DCAF6: variants seen among roughly 807,000 people sequenced by gnomAD.
DCAF6 encodes DDB1- and CUL4-associated factor 6.
DCAF6 carries 54 observed loss-of-function variants against 125.1 expected under a neutral mutation model. The ratio of observed to expected loss-of-function variants is 0.43; its 90% CI spans 0.35 to 0.54. The LOEUF is 0.54. Ranked by LOEUF, DCAF6 falls within the 20% of genes least tolerant of loss-of-function variation. The pLI, the probability that DCAF6 is intolerant of heterozygous loss-of-function variation, is 0.01. For missense variants in DCAF6, 934 were observed against 1,161.7 expected (o/e 0.80, Z 2.85); for synonymous variants, 371 against 390.4 (o/e 0.95, Z 0.58).
At chr1:167,882,697 T>C in the DCAF6 span, among the ~76,000 whole-genome samples, 1 of 151,728 alleles carries the variant, frequency 6.6e-6, no homozygotes, top group South Asian at 2.1e-4. Context: ...GAGACTTATG[T>C]GTAGTGAGAG....
intron 16 of DCAF6, among the ~76,000 whole-genome samples, chr1:168,047,976 T>C (rs1182689721): frequency 1.3e-5 from 2 of 152,182 alleles, no homozygotes; most frequent in African/African-American, 4.8e-5. Flanking sequence ...TCTTCATCAT[T>C]GACACTCCTG....
At chr1:167,953,221 C>G (rs1369949466) in intron 2 of DCAF6, among the ~76,000 whole-genome samples, 2 of 152,024 alleles carry the variant, frequency 1.3e-5, no homozygotes, top group Admixed American at 1.3e-4. Context: ...ATATTTTATG[C>G]CTTATACCTA....
the DCAF6 span, chr1:167,905,121 T>A: frequency 3.1e-6 from 5 of 1,614,224 alleles, no homozygotes; most frequent in Admixed American, 8.3e-5. Context: ...GTCCTGGAAT[T>A]CTTCTTTTGG....
Position 168,044,632 on chromosome 1 carries a change from G to A in DCAF6, c.1891G>A (p.Val631Ile). 1.2e-6 allele frequency: 2 copies of A among 1,613,350 alleles called. No homozygotes were observed. The highest frequency in any genetic ancestry group is 1.3e-5 in the African/African-American group (1 of 75,004). The change falls in exon 15 of 22, where the codon GTA becomes ATA. Residue 631 changes from valine to isoleucine, a missense_variant. Coordinates refer to ENST00000367840, the MANE Select transcript of DCAF6 (RefSeq NM_001198956.2). ...SEDVTKYQEG[V>I]SAENPVENHI... ...GGATGTGACAAAATATCAGGAAGGA[G>A]TATCTGCAGAAAACCCAGTTGAGAA...
intron 5 of DCAF6, among the ~76,000 whole-genome samples, chr1:167,989,061 C>A (rs1403514545): frequency 1.3e-5 from 2 of 151,936 alleles, no homozygotes; most frequent in African/African-American, 4.8e-5. Context: ...GCTCGGGTGA[C>A]ACTGCGAGAC....
chr1:167,941,903 C>G (rs905414505), intron 1 of DCAF6, among the ~76,000 whole-genome samples: 5 of 152,136 alleles, frequency 3.3e-5, no homozygotes, highest in Non-Finnish European at 7.4e-5. Context: ...TAAAAAACTT[C>G]CAGACTGTCT....
chr1:167,980,720 T>C (rs1381936350), intron 4 of DCAF6, among the ~76,000 whole-genome samples: 1 of 152,138 alleles, frequency 6.6e-6, no homozygotes, highest in Non-Finnish European at 1.5e-5. Flanking sequence ...AGGATTTCTT[T>C]ATATATTCCA....
the DCAF6 span, chr1:167,880,399 ATTC>A: frequency 5.6e-6 from 6 of 1,072,176 alleles, no homozygotes; most frequent in African/African-American, 3.1e-5. Context: ...TTCTTAATTA[ATTC>A]TTCTTTCTTT....
intron 4 of DCAF6, among the ~76,000 whole-genome samples, chr1:167,976,437 A>G (rs921030796): frequency 6.6e-6 from 1 of 152,198 alleles, no homozygotes; most frequent in African/African-American, 2.4e-5. Flanking sequence ...GCGCTACTGT[A>G]CTCCAACCTG....
At chr1:168,057,522 T>C (rs983083600) in intron 17 of DCAF6, among the ~76,000 whole-genome samples, 1 of 152,236 alleles carries the variant, frequency 6.6e-6, no homozygotes, top group Non-Finnish European at 1.5e-5. Context: ...ATTGATACTT[T>C]GAGCTGTTTC....
intron 18 of DCAF6, 103 bp downstream of exon 18, chr1:168,063,862 T>C: frequency 9.0e-7 from 1 of 1,108,260 alleles, no homozygotes; most frequent in African/African-American, 1.7e-5. Flanking sequence ...GATTTCAGTA[T>C]TACATTATTA....
chr1:168,037,829 C>T (rs1459664914), intron 12 of DCAF6, among the ~76,000 whole-genome samples: 1 of 152,154 alleles, frequency 6.6e-6, no homozygotes, highest in Non-Finnish European at 1.5e-5. Flanking sequence ...AAATACCACC[C>T]TCTTCTCCAT....
chr1:168,055,343 T>TG (rs1310412539), intron 17 of DCAF6, among the ~76,000 whole-genome samples: 5 of 21,366 alleles, frequency 2.3e-4, no homozygotes, highest in South Asian at 8.3e-4. Flanking sequence ...TTTTTTTTTT[T>TG]TTTTTTTTTT....
rs1259600745 is a variant in DCAF6, at chr1:168,068,373, G to A, written c.2701G>A (p.Glu901Lys). Residue 901 changes from glutamate to lysine, a missense_variant, in exon 21 of 22, where the codon GAA (glutamate) becomes AAA (lysine). This residue lies in a region of DCAF6 where 27 missense variants were observed against 85.1 expected (regional missense o/e 0.32). Coordinates refer to ENST00000367840, the MANE Select transcript of DCAF6 (RefSeq NM_001198956.2). ...TGCCTTGTAGGTTATAACTCGAAAC[G>A]AACTCATGCTGGAAGAAACTAGAAA... ...KLADEVITRN[E>K]LMLEETRNTI... The A allele has an allele frequency of 1.9e-6, 3 of 1,604,122 alleles. No homozygotes were observed. Among genetic ancestry groups the A allele is most frequent in the African/African-American group, 1.3e-5 (1 of 74,254 alleles).
chr1:168,004,090 C>A, intron 9 of DCAF6, 101 bp downstream of exon 9: 3 of 1,322,352 alleles, frequency 2.3e-6, no homozygotes, highest in Non-Finnish European at 3.1e-6. Flanking sequence ...TGTTTTACAT[C>A]TGTAATAATC....
In DCAF6 at chr1:168,003,981, G is replaced by A. The variant is rs1462500583; in HGVS notation, c.1109G>A (p.Arg370Gln). Residue 370 changes from arginine to glutamine, a missense_variant, in exon 9 of 22, where the codon CGA becomes CAA. Physicochemically the swap from Arg to Gln is conservative, Grantham distance 43. This residue lies in a region of DCAF6 where 559 missense variants were observed against 635.5 expected (regional missense o/e 0.88). Transcript: ENST00000367840. ...AQSNRGRGRS[R>Q]PRGGTSQSDI... is the part of the protein sequence containing the mutation. ...AGCAATAGAGGACGAGGAAGATCTC[G>A]ACCCAGAGGTAATTTTTAATGTTAA... The A allele has an allele frequency of 4.3e-6, 7 of 1,611,068 alleles. No homozygotes were observed. The highest frequency in any genetic ancestry group is 1.3e-5 in the African/African-American group (1 of 74,892).
In DCAF6 at chr1:167,983,649, T is replaced by C. The variant is rs1185162614; in HGVS notation, c.439-3846T>C. On this transcript the variant is annotated intron_variant, in intron 4 of 21. Transcript: ENST00000367840. ...TGGGTCCTTCTTTGGCATGTGCACA[T>C]TCTTATATATGTGCATAATTTCTAA... Among the ~76,000 whole-genome samples, 7 of 152,224 alleles carry C rather than the reference T, an allele frequency of 4.6e-5. No homozygotes were observed. In the East Asian group the frequency reaches 1.3e-3, roughly 29 times the overall value.
Position 167,983,707 on chromosome 1 carries a change from C to T in DCAF6, c.439-3788C>T, listed in dbSNP as rs113250402. 2.9e-3 allele frequency among the ~76,000 whole-genome samples: 446 copies of T among 152,262 alleles called. 1 individual carries two copies. The highest frequency in any genetic ancestry group is 0.01 in the African/African-American group (424 of 41,548). On this transcript the variant is annotated intron_variant, in intron 4 of 21. Coordinates refer to ENST00000367840, the MANE Select transcript of DCAF6 (RefSeq NM_001198956.2). ...GAAATGTTTTGTTGCTTTTCAAATTCTACTATTAATGTCTAATTCTTACTT... is the reference window on the plus strand; with the variant it reads ...GAAATGTTTTGTTGCTTTTCAAATTTTACTATTAATGTCTAATTCTTACTT...
intron 3 of DCAF6, among the ~76,000 whole-genome samples, chr1:167,968,883 A>G (rs1676868340): frequency 6.6e-6 from 1 of 152,232 alleles, no homozygotes; most frequent in Non-Finnish European, 1.5e-5. Flanking sequence ...CTGAGAGGAA[A>G]TAATTTGATA....
Sources: allele counts gnomAD v4.1 joint callset (sites outside exome capture counted in the v4.1 genomes callset), GRCh38; gene constraint gnomAD v4.1.1; regional missense constraint gnomAD v4.1.1; transcripts MANE v1.5; gene names NCBI Gene and HGNC (gene_info 2026-07-23, HGNC 2026-07-21).